OTOA: variants seen among roughly 807,000 people sequenced by gnomAD.
OTOA encodes otoancorin.
A neutral mutation model predicts 110.8 loss-of-function variants in OTOA; 70 were observed. That is an observed-to-expected ratio of 0.63 (90% CI 0.52 to 0.77). The LOEUF is 0.77. OTOA is among the 30% of genes least tolerant of loss of function. The pLI, the probability that OTOA is intolerant of heterozygous loss-of-function variation, is 0.00. For synonymous variants in OTOA, 373 were observed against 431.5 expected (o/e 0.86, Z 1.68); for missense variants, 917 against 1,075.8 (o/e 0.85, Z 2.06).
intron 21 of OTOA, among the ~76,000 whole-genome samples, chr16:21,735,378 C>G (rs1284739758): frequency 1.3e-5 from 2 of 151,798 alleles, no homozygotes; most frequent in Admixed American, 1.3e-4. Context: ...AACGCACGCA[C>G]TATTGTGAGG....
intron 10 of OTOA, among the ~76,000 whole-genome samples, chr16:21,700,603 T>C (rs2084173334): frequency 6.6e-6 from 1 of 151,686 alleles, no homozygotes; most frequent in Admixed American, 6.6e-5. Context: ...TGGGCACCTG[T>C]AGTCCCAGCT....
intron 9 of OTOA, among the ~76,000 whole-genome samples, chr16:21,694,288 T>A (rs986968364): frequency 5.9e-5 from 9 of 151,922 alleles, no homozygotes; most frequent in Admixed American, 3.9e-4. Context: ...AAAAATTTTT[T>A]AAAAAATAGC....
At chr16:21,679,304 C>A in intron 5 of OTOA, 93 bp downstream of exon 5, 1 of 1,367,094 alleles carries the variant, frequency 7.3e-7, no homozygotes, top group Non-Finnish European at 1.0e-6. Flanking sequence ...GTAATATGTG[C>A]TCATTACAAA....
intron 1 of OTOA, among the ~76,000 whole-genome samples, chr16:21,667,199 G>T (rs1261861814): frequency 6.6e-6 from 1 of 152,284 alleles, no homozygotes; most frequent in East Asian, 1.9e-4. Flanking sequence ...TTAGAATGCA[G>T]GGCTTTTGGT....
At chr16:21,667,648 G>A (rs921190380) in intron 1 of OTOA, among the ~76,000 whole-genome samples, 3 of 151,726 alleles carry the variant, frequency 2.0e-5, no homozygotes, top group African/African-American at 7.3e-5. Context: ...AAGAAGGGCT[G>A]GCAAGCTTTT....
intron 1 of OTOA, among the ~76,000 whole-genome samples, chr16:21,667,426 G>C (rs1365080859): frequency 6.6e-6 from 1 of 151,940 alleles, no homozygotes; most frequent in South Asian, 2.1e-4. Context: ...AGGCCGAGGC[G>C]GGCAGATCAC....
chr16:21,666,201 C>G (rs1389156394), intron 1 of OTOA, among the ~76,000 whole-genome samples: 1 of 151,576 alleles, frequency 6.6e-6, no homozygotes, highest in Non-Finnish European at 1.5e-5. Context: ...TTCTATAAGC[C>G]AGACACATTT....
intron 1 of OTOA, among the ~76,000 whole-genome samples, chr16:21,668,176 A>G (rs1966844470): frequency 6.6e-6 from 1 of 152,126 alleles, no homozygotes; most frequent in South Asian, 2.1e-4. Flanking sequence ...TGGCATGATC[A>G]TAGCTCACTG....
intron 23 of OTOA, among the ~76,000 whole-genome samples, chr16:21,744,223 T>TA (rs1325205270): frequency 1.0e-4 from 15 of 150,034 alleles, no homozygotes; most frequent in Non-Finnish European, 1.6e-4. Context: ...CCATCTTGGC[T>TA]AACTGCAACT....
At chr16:21,720,540 G>C (rs544133672) in intron 17 of OTOA, among the ~76,000 whole-genome samples, 42 of 152,194 alleles carry the variant, frequency 2.8e-4, no homozygotes, top group Non-Finnish European at 6.2e-4. Flanking sequence ...AATTCTGTTA[G>C]TGATTCTCAA....
At chr16:21,711,251 G>A (rs1002452212) in intron 13 of OTOA, among the ~76,000 whole-genome samples, 5 of 152,116 alleles carry the variant, frequency 3.3e-5, no homozygotes, top group Non-Finnish European at 5.9e-5. Flanking sequence ...CCATTACTTT[G>A]GGATTAGGGA....
chr16:21,712,204 G>A lies in OTOA; in HGVS notation c.1320+2101G>A, dbSNP rs151024499. Among the ~76,000 whole-genome samples the A allele has an allele frequency of 3.3e-4, 50 of 152,106 alleles. No individual in the cohort carries two copies. The East Asian group carries it at 8.7e-3, about 27-fold the overall frequency. ...TAGCTGGCCATGATGGTGCACACCC[G>A]TAATTTCAGCTACTTGGAAGGCCGA... On this transcript the variant is annotated intron_variant, in intron 13 of 28. Transcript: ENST00000646100.
chr16:21,687,612 T>C lies in OTOA; in HGVS notation c.599T>C (p.Leu200Pro), dbSNP rs1897743338. The change falls in exon 8 of 29, where the codon CTC (leucine) becomes CCC (proline). Residue 200 changes from leucine (L) to proline (P), a missense_variant. Physicochemically the swap from Leu to Pro is moderately conservative, Grantham distance 98 (BLOSUM62 -3). Around this residue, in one of 6 missense-constraint regions of OTOA, gnomAD observed 840 missense variants for 910.2 expected, o/e 0.92. Transcript: ENST00000646100. Reference protein sequence around the residue: ...SFLQPDITERLPRDLREDAFK... With the variant: ...SFLQPDITERPPRDLREDAFK... ...CTCCAGCCAGACATCACAGAGCGGC[T>C]CCCTCGGGACCTGCGCGAGGATGCC... 1.2e-6 allele frequency: 2 copies of C among 1,612,134 alleles called. No homozygotes were observed. The highest frequency in any genetic ancestry group is 1.7e-6 in the Non-Finnish European group (2 of 1,179,606).
chr16:21,737,437 CTGGTCT>C (rs1899352899), intron 22 of OTOA, among the ~76,000 whole-genome samples: 1 of 152,218 alleles, frequency 6.6e-6, no homozygotes, highest in Non-Finnish European at 1.5e-5. Flanking sequence ...GTTGGCCAGG[CTGGTCT>C]TGAACGCTGG....
rs1899840082 is a variant in OTOA, at chr16:21,752,011, G to A, written c.2852G>A (p.Gly951Glu). The A allele has an allele frequency of 2.6e-6, 1 of 381,936 alleles. No individual in the cohort carries two copies. Among genetic ancestry groups the A allele is most frequent in the Non-Finnish European group, 4.8e-6 (1 of 208,676 alleles). 23.7% of individuals were successfully genotyped at this position (381,936 alleles called of 1,614,324 possible). The change falls in exon 25 of 29, where the codon GGA (glycine) becomes GAA (glutamate). Residue 951 changes from glycine (G) to glutamate (E), a missense_variant. By Grantham distance (98) the Gly-to-Glu change is moderately conservative. This residue lies in a region of OTOA where 57 missense variants were observed against 59.7 expected (regional missense o/e 0.96). Coordinates refer to ENST00000646100, the MANE Select transcript of OTOA (RefSeq NM_144672.4). Reference protein sequence around the residue: ...IQDLKSFHLVGLGATLCAINI... With the variant: ...IQDLKSFHLVELGATLCAINI... The stretch of plus-strand genomic sequence containing the variant: ...GACCTGAAGAGCTTTCATTTGGTAG[G>A]ACTTGGTGCAACCCTGTGTGCTATA...
chr16:21,719,076 A>G (rs1177960605), intron 15 of OTOA, 57 bp from the exon 16 acceptor site: 12 of 1,521,898 alleles, frequency 7.9e-6, no homozygotes, highest in Non-Finnish European at 1.1e-5. Context: ...AGGGCCTCAC[A>G]GTGTTGGGCA....
chr16:21,722,801 A>G (rs1898797644), intron 17 of OTOA, 104 bp from the exon 18 acceptor site: 2 of 1,013,648 alleles, frequency 2.0e-6, no homozygotes, highest in South Asian at 2.6e-5. Flanking sequence ...TATTGCATAA[A>G]TGAACACGTA....
At position 21,705,261 on chromosome 16, in the gene OTOA, A is replaced by T. The variant is rs548486726; in HGVS notation, c.1073A>T (p.His358Leu). The change falls in exon 12 of 29, where the codon CAC (histidine) becomes CTC (leucine). Residue 358 changes from histidine (H) to leucine (L), a missense_variant. His to Leu is a moderately conservative substitution (Grantham distance 99). This residue lies in a region of OTOA where 840 missense variants were observed against 910.2 expected (regional missense o/e 0.92). Coordinates refer to ENST00000646100, the MANE Select transcript of OTOA (RefSeq NM_144672.4). ...CTTTACCAGATGATCAAGTGCAGCC[A>T]CCTGAGGGGCTTCCAGGCTGGCGTC... ...VLLYQMIKCS[H>L]LRGFQAGVQK... 87 of 1,613,964 alleles carry T rather than the reference A, an allele frequency of 5.4e-5. No homozygotes were observed. Among genetic ancestry groups the T allele is most frequent in the Admixed American group, 1.5e-4 (9 of 59,990 alleles).
chr16:21,705,425 A>G lies in OTOA; in HGVS notation c.1104+133A>G. 4 of 1,372,650 alleles carry G rather than the reference A, an allele frequency of 2.9e-6. No homozygotes were observed. The South Asian group carries it at 3.6e-5, about 12-fold the overall frequency. 85.0% of individuals were successfully genotyped at this position (1,372,650 alleles called of 1,614,324 possible). On this transcript the variant is annotated intron_variant, in intron 12 of 28. Coordinates refer to ENST00000646100, the MANE Select transcript of OTOA (RefSeq NM_144672.4). ...CGGGATTTAAGTCCAGTCACAGCAG[A>G]TGGCATCTCAAATACTGAGGTAAGT...
Sources: gnomAD v4.1 joint callset for allele counts (sites outside exome capture counted in the v4.1 genomes callset) on GRCh38, gnomAD v4.1.1 for gene constraint, gnomAD v4.1.1 regional missense constraint, MANE v1.5 for transcripts, NCBI Gene and HGNC (gene_info 2026-07-23, HGNC 2026-07-21) for gene names.